Variants in JAKMIP1 observed in about 807,000 individuals in gnomAD.
The protein encoded by JAKMIP1 is janus kinase and microtubule interacting protein 1.
Under a neutral mutation model 113.0 loss-of-function variants are expected in JAKMIP1, and 33 were observed. That is an observed-to-expected ratio of 0.29 (90% CI 0.22 to 0.39). The LOEUF (loss-of-function observed/expected upper bound fraction) is 0.39, where lower values mean the gene tolerates loss of function less well. Ranked by LOEUF, JAKMIP1 falls within the 10% of genes least tolerant of loss-of-function variation. The pLI, the probability that JAKMIP1 is intolerant of heterozygous loss-of-function variation, is 1.00. For synonymous variants in JAKMIP1, 480 were observed against 459.9 expected (o/e 1.04, Z -0.56); for missense variants, 813 against 1,080.5 (o/e 0.75, Z 3.47).
At chr4:6,122,365 C>T (rs890673727) in intron 1 of JAKMIP1, among the ~76,000 whole-genome samples, 2 of 152,148 alleles carry the variant, frequency 1.3e-5, no homozygotes, top group Non-Finnish European at 2.9e-5. Flanking sequence ...CAAATATTTA[C>T]AATCTATTGA....
chr4:6,115,680 T>G (rs1715636045), intron 1 of JAKMIP1, among the ~76,000 whole-genome samples: 1 of 152,242 alleles, frequency 6.6e-6, no homozygotes, highest in Admixed American at 6.5e-5. Flanking sequence ...CAATGACTGC[T>G]TTTAAGAGGA....
rs1719693379 is a variant in JAKMIP1 at position 6,139,076 on chromosome 4, ACAC to A, written c.-147-26082_-147-26080del. ...TAGAAACACACACACACACACACAC[ACAC>A]ACACATATACACACACACACACACA... On this transcript the variant is annotated intron_variant, in intron 1 of 20. Coordinates refer to ENST00000409021, the MANE Select transcript of JAKMIP1 (RefSeq NM_001099433.2). This position sits in a 1 kb window ranked among gnomAD's most constrained non-coding sequence, Gnocchi z 5.2. 7.1e-6 allele frequency among the ~76,000 whole-genome samples: 1 copy of A among 141,010 alleles called. No homozygotes were observed. Among genetic ancestry groups the A allele is most frequent in the Non-Finnish European group, 1.5e-5 (1 of 67,698 alleles). 92.5% of individuals were successfully genotyped at this position (141,010 alleles called of 152,430 possible).
chr4:6,069,236 C>T lies in JAKMIP1; in HGVS notation c.1303-4228G>A, dbSNP rs1718602925. Among the ~76,000 whole-genome samples, 1 of 152,118 alleles carries T rather than the reference C, an allele frequency of 6.6e-6. No individual in the cohort carries two copies. Among genetic ancestry groups the T allele is most frequent in the African/African-American group, 2.4e-5 (1 of 41,420 alleles). On this transcript the variant is annotated intron_variant, in intron 8 of 20. Transcript: ENST00000409021. This position sits in a 1 kb window ranked among gnomAD's most constrained non-coding sequence, Gnocchi z 4.5. ...ACACAGTGGGCTTTAAAAAAAATGGCAAACATGAAAGAAACTTCATTTTTT... is the reference window on the plus strand; with the variant it reads ...ACACAGTGGGCTTTAAAAAAAATGGTAAACATGAAAGAAACTTCATTTTTT...
chr4:6,193,454 G>A lies in JAKMIP1; in HGVS notation c.-148+6799C>T, dbSNP rs1578523431. 6.6e-6 allele frequency among the ~76,000 whole-genome samples: 1 copy of A among 152,184 alleles called. No individual in the cohort carries two copies. On this transcript the variant is annotated intron_variant, in intron 1 of 20. Coordinates refer to ENST00000409021, the MANE Select transcript of JAKMIP1 (RefSeq NM_001099433.2). This position sits in a 1 kb window ranked among gnomAD's most constrained non-coding sequence, Gnocchi z 6.4. ...GAACCCTGACTAATACAGACGTGAG[G>A]GATGAAAAGAAGCCAGTCTGGGCCA...
At chr4:6,068,447 A>G (rs975383700) in intron 8 of JAKMIP1, among the ~76,000 whole-genome samples, 1 of 152,216 alleles carries the variant, frequency 6.6e-6, no homozygotes, top group Non-Finnish European at 1.5e-5. Flanking sequence ...GCAGCAATGC[A>G]GAGGAATCCA....
At position 6,064,270 on chromosome 4, in the gene JAKMIP1, C is replaced by A. The variant is rs1717729657; in HGVS notation, c.1431+610G>T. Among the ~76,000 whole-genome samples, 1 of 152,180 alleles carries A rather than the reference C, an allele frequency of 6.6e-6. No individual in the cohort carries two copies. Among genetic ancestry groups the A allele is most frequent in the Admixed American group, 6.5e-5 (1 of 15,284 alleles). On this transcript the variant is annotated intron_variant, in intron 9 of 20. Transcript: ENST00000409021. This position sits in a 1 kb window ranked among gnomAD's most constrained non-coding sequence, Gnocchi z 4.3. ...TAATCAGCACTCCTGAAAGAATTCA[C>A]CTGGGGAAGGTGAGTGAGAACGAAG... is the stretch of plus-strand genomic sequence containing the variant.
In JAKMIP1 at chr4:6,053,771, T is replaced by A. The variant is rs988613625; in HGVS notation, c.1806+279A>T. The stretch of plus-strand genomic sequence containing the variant: ...AAGGCAAAATATTGCAAAAACAAAT[T>A]ATTTTATTAAGTGCAAAACAAGCCA... On this transcript the variant is annotated intron_variant, in intron 13 of 20. Coordinates refer to ENST00000409021, the MANE Select transcript of JAKMIP1 (RefSeq NM_001099433.2). 1.9e-5 allele frequency: 23 copies of A among 1,236,734 alleles called. No individual in the cohort carries two copies. In the African/African-American group the frequency reaches 3.6e-4, roughly 19 times the overall value. The allele number at this position is 1,236,734 out of a possible 1,614,324, so 76.6% of individuals were successfully genotyped here.
intron 1 of JAKMIP1, among the ~76,000 whole-genome samples, chr4:6,148,870 G>T (rs1369493092): frequency 6.6e-6 from 1 of 152,204 alleles, no homozygotes; most frequent in Non-Finnish European, 1.5e-5. Flanking sequence ...GGACATCCAC[G>T]CACAGGCATG....
intron 19 of JAKMIP1, among the ~76,000 whole-genome samples, chr4:6,034,564 G>A (rs1267660848): frequency 6.6e-6 from 1 of 152,202 alleles, no homozygotes; most frequent in Non-Finnish European, 1.5e-5. Flanking sequence ...CACTTTGGGA[G>A]GCCTAGGTGG....
intron 3 of JAKMIP1, among the ~76,000 whole-genome samples, chr4:6,092,415 C>T (rs1307763607): frequency 2.0e-5 from 3 of 152,244 alleles, no homozygotes; most frequent in East Asian, 1.9e-4. Context: ...GAAACTGGAG[C>T]ACCACCCACC....
At chr4:6,133,002 T>C (rs989452128) in intron 1 of JAKMIP1, among the ~76,000 whole-genome samples, 21 of 152,190 alleles carry the variant, frequency 1.4e-4, no homozygotes, top group African/African-American at 4.8e-4. Context: ...ATCTCTAAAC[T>C]ACAACCAAAA....
At chr4:6,123,548 T>A (rs541400450) in intron 1 of JAKMIP1, among the ~76,000 whole-genome samples, 1 of 152,318 alleles carries the variant, frequency 6.6e-6, no homozygotes, top group South Asian at 2.1e-4. Context: ...AGGCTGGGCA[T>A]GGTGGCTCAA....
In JAKMIP1 at chr4:6,199,007, G is replaced by C. The variant is rs755088050; in HGVS notation, c.-148+1246C>G. Among the ~76,000 whole-genome samples the C allele has an allele frequency of 4.6e-5, 7 of 152,372 alleles. No individual in the cohort carries two copies. In the South Asian group the frequency reaches 1.2e-3, roughly 27 times the overall value. On this transcript the variant is annotated intron_variant, in intron 1 of 20. Transcript: ENST00000409021. The surrounding 1 kb of genome is among the most constrained non-coding windows in gnomAD (Gnocchi z 5.6). ...ACCTCCTCCTCTGCTCTGGAAGGCA[G>C]AGGCCATCAGATGGTAACAGCATCC...
At chr4:6,119,729 G>A (rs1233587883) in intron 1 of JAKMIP1, among the ~76,000 whole-genome samples, 1 of 152,316 alleles carries the variant, frequency 6.6e-6, no homozygotes, top group Non-Finnish European at 1.5e-5. Flanking sequence ...GAACAGGGCT[G>A]CTCACATCCC....
chr4:6,170,555 TCAC>T (rs1309725198), intron 1 of JAKMIP1, among the ~76,000 whole-genome samples: 4 of 139,148 alleles, frequency 2.9e-5, no homozygotes, highest in Admixed American at 7.0e-5. Context: ...TCCATCACCA[TCAC>T]CACCACCACC....
intron 5 of JAKMIP1, 22 bp downstream of exon 5, chr4:6,084,824 C>T (rs1426993924): frequency 3.1e-6 from 5 of 1,607,386 alleles, no homozygotes; most frequent in Non-Finnish European, 4.2e-6. Flanking sequence ...TGAGGCACCG[C>T]CTGTCTCTTG....
In JAKMIP1 at chr4:6,135,881, G is replaced by A. The variant is rs2108947610; in HGVS notation, c.-147-22884C>T. On this transcript the variant is annotated intron_variant, in intron 1 of 20. Coordinates refer to ENST00000409021, the MANE Select transcript of JAKMIP1 (RefSeq NM_001099433.2). The surrounding 1 kb of genome is among the most constrained non-coding windows in gnomAD (Gnocchi z 4.9). ...CACCTTGGCAGAGGCTGGTGTCAGAGGACTTAAGAAATGGTGGGGGGAGAG... is the reference window on the plus strand; with the variant it reads ...CACCTTGGCAGAGGCTGGTGTCAGAAGACTTAAGAAATGGTGGGGGGAGAG... 6.6e-6 allele frequency among the ~76,000 whole-genome samples: 1 copy of A among 151,346 alleles called. No individual in the cohort carries two copies.
intron 20 of JAKMIP1, among the ~76,000 whole-genome samples, chr4:6,027,752 C>G (rs962640423): frequency 6.6e-6 from 1 of 152,240 alleles, no homozygotes; most frequent in African/African-American, 2.4e-5. Flanking sequence ...ACGATTCCAA[C>G]ATTTCCCAGG....
chr4:6,064,971 T>G lies in JAKMIP1; in HGVS notation c.1340A>C (p.Glu447Ala), dbSNP rs763164763. The G allele has an allele frequency of 1.2e-6, 2 of 1,614,012 alleles. No homozygotes were observed. Among genetic ancestry groups the G allele is most frequent in the African/African-American group, 2.7e-5 (2 of 74,898 alleles). The change falls in exon 9 of 21, where the codon GAG becomes GCG. Residue 447 changes from glutamate to alanine, a missense_variant. Around this residue, in one of 2 missense-constraint regions of JAKMIP1, gnomAD observed 540 missense variants for 653.9 expected, o/e 0.83. Coordinates refer to ENST00000409021, the MANE Select transcript of JAKMIP1 (RefSeq NM_001099433.2). The surrounding 1 kb of genome is among the most constrained non-coding windows in gnomAD (Gnocchi z 4.3). Reference sequence around the variant, plus strand: ...GGACAACGTTTCTGAGTCCACAGACTCCTCATCAAATCCAAAAAATGTCTC... The same window carrying G: ...GGACAACGTTTCTGAGTCCACAGACGCCTCATCAAATCCAAAAAATGTCTC... ...VVETFFGFDE[E>A]SVDSETLSET...
Sources: allele counts gnomAD v4.1 joint callset (sites outside exome capture counted in the v4.1 genomes callset), GRCh38; gene constraint gnomAD v4.1.1; regional missense constraint gnomAD v4.1.1; non-coding constraint Gnocchi (gnomAD v3.1); transcripts MANE v1.5; gene names NCBI Gene and HGNC (gene_info 2026-07-23, HGNC 2026-07-21).